The following PCDH15 variants were observed in gnomAD, a reference collection of about 807,000 sequenced individuals.
PCDH15 encodes the protein protocadherin-15.
Under a neutral mutation model 178.5 loss-of-function variants are expected in PCDH15, and 129 were observed. The observed-to-expected ratio is 0.72, with a 90% confidence interval of 0.63 to 0.84. The LOEUF is 0.84. PCDH15 is among the 40% of genes least tolerant of loss of function. The probability of loss-of-function intolerance (pLI) is 0.00; values close to 1 mark genes in which losing one functional copy is unlikely to be tolerated. For missense variants in PCDH15, 2,230 were observed against 2,099.9 expected, an observed-to-expected ratio of 1.06 and a Z score of -1.21; for synonymous variants, 800 against 732.0, an observed-to-expected ratio of 1.09 and a Z score of -1.50.
intron 2 of PCDH15, among the ~76,000 whole-genome samples, chr10:55,064,435 C>G: frequency 6.6e-6 from 1 of 152,054 alleles, no homozygotes; most frequent in Non-Finnish European, 1.5e-5. Flanking sequence ...ATCCCTTGCA[C>G]GTGCCTGAAA....
At chr10:54,462,795 G>A (rs1334585297) in intron 3 of PCDH15, among the ~76,000 whole-genome samples, 1 of 146,548 alleles carries the variant, frequency 6.8e-6, no homozygotes, top group Non-Finnish European at 1.5e-5. Flanking sequence ...CTCCCAAAGT[G>A]CTGGGATTAC....
intron 3 of PCDH15, among the ~76,000 whole-genome samples, chr10:54,835,216 T>G (rs1306885265): frequency 6.6e-6 from 1 of 152,170 alleles, no homozygotes; most frequent in Non-Finnish European, 1.5e-5. Flanking sequence ...GGAGAAGGAA[T>G]AGAAGCATAT....
chr10:54,703,908 C>T (rs545851621), intron 1 of PCDH15, among the ~76,000 whole-genome samples: 2 of 152,134 alleles, frequency 1.3e-5, no homozygotes, highest in South Asian at 4.1e-4. Flanking sequence ...AAAGCAGACA[C>T]ATAGACCAAT....
intron 26 of PCDH15, among the ~76,000 whole-genome samples, chr10:53,898,588 C>T (rs2082122736): frequency 6.6e-6 from 1 of 152,120 alleles, no homozygotes; most frequent in Non-Finnish European, 1.5e-5. Context: ...GTTCTGTGCA[C>T]TTTTGATACA....
chr10:54,155,866 T>G (rs190969428), intron 13 of PCDH15, among the ~76,000 whole-genome samples: 1 of 151,646 alleles, frequency 6.6e-6, no homozygotes, highest in Non-Finnish European at 1.5e-5. Flanking sequence ...GTCTATTAGA[T>G]GATGTTGAAT....
chr10:54,895,597 A>T (rs1288306319), intron 3 of PCDH15, among the ~76,000 whole-genome samples: 4 of 152,204 alleles, frequency 2.6e-5, no homozygotes, highest in Non-Finnish European at 4.4e-5. Flanking sequence ...TAGTAATTTA[A>T]CTATATGATG....
intron 2 of PCDH15, among the ~76,000 whole-genome samples, chr10:55,602,587 C>A (rs1245129042): frequency 6.6e-6 from 1 of 152,030 alleles, no homozygotes; most frequent in African/African-American, 2.4e-5. Flanking sequence ...ACCGCTGACC[C>A]CCGAGCAGCC....
At chr10:53,813,030 A>G (rs1230886889) in intron 35 of PCDH15, among the ~76,000 whole-genome samples, 2 of 152,152 alleles carry the variant, frequency 1.3e-5, no homozygotes, top group African/African-American at 4.8e-5. Context: ...AATTGAATTC[A>G]TTACTAACAG....
At chr10:55,241,058 T>C (rs1358942852) in intron 1 of PCDH15, among the ~76,000 whole-genome samples, 1 of 151,952 alleles carries the variant, frequency 6.6e-6, no homozygotes, top group Non-Finnish European at 1.5e-5. Context: ...CTATTAAAAA[T>C]ACAAAAAATT....
At chr10:54,291,235 C>T (rs1591618736) in intron 8 of PCDH15, among the ~76,000 whole-genome samples, 2 of 152,106 alleles carry the variant, frequency 1.3e-5, no homozygotes, top group African/African-American at 4.8e-5. Context: ...GGGTAAATAA[C>T]AAAATGAAAG....
intron 2 of PCDH15, among the ~76,000 whole-genome samples, chr10:54,919,659 C>T (rs1837434545): frequency 1.3e-5 from 2 of 152,134 alleles, no homozygotes. Context: ...TAAACAAATG[C>T]TTGCTGAATG....
At chr10:55,193,945 A>G (rs61327172) in intron 1 of PCDH15, among the ~76,000 whole-genome samples, 1 of 152,012 alleles carries the variant, frequency 6.6e-6, no homozygotes, top group Non-Finnish European at 1.5e-5. Context: ...ATGCTAAAAC[A>G]TAATTTACTG....
At chr10:55,459,898 A>G (rs1296289898) in intron 2 of PCDH15, among the ~76,000 whole-genome samples, 1 of 152,078 alleles carries the variant, frequency 6.6e-6, no homozygotes, top group Non-Finnish European at 1.5e-5. Flanking sequence ...AAAAAAAGAA[A>G]ATTATTAAAG....
chr10:54,544,990 T>A, intron 2 of PCDH15, among the ~76,000 whole-genome samples: 1 of 152,092 alleles, frequency 6.6e-6, no homozygotes, highest in East Asian at 1.9e-4. Context: ...ACCTAGGAAA[T>A]GAGATCAATT....
At chr10:55,535,756 T>C (rs1206543155) in intron 2 of PCDH15, among the ~76,000 whole-genome samples, 2 of 152,036 alleles carry the variant, frequency 1.3e-5, no homozygotes, top group Admixed American at 6.6e-5. Flanking sequence ...CTGTACTCTT[T>C]TTGCCTTATT....
At chr10:53,991,464 G>C (rs2091478149) in intron 21 of PCDH15, among the ~76,000 whole-genome samples, 1 of 152,086 alleles carries the variant, frequency 6.6e-6, no homozygotes, top group Admixed American at 6.5e-5. Flanking sequence ...TCAGTGCTCT[G>C]TGTCTAGCTC....
intron 3 of PCDH15, among the ~76,000 whole-genome samples, chr10:54,888,291 T>A (rs1323694558): frequency 1.3e-5 from 2 of 152,086 alleles, no homozygotes; most frequent in Non-Finnish European, 2.9e-5. Flanking sequence ...TCATAGAGCA[T>A]GTACTGTTAT....
intron 2 of PCDH15, among the ~76,000 whole-genome samples, chr10:54,988,002 C>T (rs550207640): frequency 6.6e-6 from 1 of 152,180 alleles, no homozygotes; most frequent in East Asian, 1.9e-4. Flanking sequence ...TGGGGTTTTA[C>T]ATTACAATTT....
chr10:54,135,559 C>T (rs768403850), intron 14 of PCDH15, among the ~76,000 whole-genome samples: 7 of 152,220 alleles, frequency 4.6e-5, no homozygotes, highest in Non-Finnish European at 8.8e-5. Context: ...GGTGATCTGA[C>T]TCCAGAAGCA....
Sources: allele counts gnomAD v4.1 joint callset (sites outside exome capture counted in the v4.1 genomes callset), GRCh38; gene constraint gnomAD v4.1.1; transcripts MANE v1.5; gene names NCBI Gene and HGNC (gene_info 2026-07-23, HGNC 2026-07-21).